ANO4: variants seen among roughly 807,000 people sequenced by gnomAD.
ANO4 encodes the protein anoctamin 4, also known as anoctamin-4.
A neutral mutation model predicts 141.9 loss-of-function variants in ANO4; 69 were observed. The observed-to-expected ratio is 0.49, with a 90% CI of 0.40 to 0.59. The LOEUF (loss-of-function observed/expected upper bound fraction) is 0.59. ANO4 is among the 20% of genes least tolerant of loss of function. The pLI, the probability that ANO4 is intolerant of heterozygous loss-of-function variation, is 0.00. For synonymous variants in ANO4, 350 were observed against 394.3 expected (o/e 0.89, Z 1.33); for missense variants, 894 against 1,162.2 (o/e 0.77, Z 3.36).
At position 100,942,503 on chromosome 12, in the gene ANO4, A is replaced by G; in HGVS notation, c.424A>G (p.Ile142Val). ...TEKREVFERN[I>V]RAEGLQMEKE... The stretch of plus-strand genomic sequence containing the variant: ...AAAGAGAGAAGTATTTGAAAGAAAC[A>G]TTAGAGCAGAAGGATTGCAAATGGA... Residue 142 changes from isoleucine to valine, a missense_variant, in exon 5 of 28, where the codon ATT (isoleucine) becomes GTT (valine). Ile to Val is a conservative substitution (Grantham distance 29). This residue lies in a region of ANO4 where 257 missense variants were observed against 253.0 expected (regional missense o/e 1.02). Transcript: ENST00000392977. The G allele has an allele frequency of 6.2e-7, 1 of 1,614,084 alleles. No homozygotes were observed. Among genetic ancestry groups the G allele is most frequent in the Non-Finnish European group, 8.5e-7 (1 of 1,179,978 alleles).
intron 2 of ANO4, among the ~76,000 whole-genome samples, chr12:100,910,600 G>C (rs1447743594): frequency 6.6e-6 from 1 of 152,094 alleles, no homozygotes; most frequent in Non-Finnish European, 1.5e-5. Flanking sequence ...CAAGAGCATA[G>C]TAAACTGAAG....
chr12:100,857,197 G>A (rs972465932), intron 1 of ANO4, among the ~76,000 whole-genome samples: 2 of 152,008 alleles, frequency 1.3e-5, no homozygotes, highest in African/African-American at 4.8e-5. Flanking sequence ...AGTTTTCAGT[G>A]GTTTCTCTTC....
At chr12:101,034,123 C>G (rs1404556612) in intron 9 of ANO4, among the ~76,000 whole-genome samples, 1 of 152,178 alleles carries the variant, frequency 6.6e-6, no homozygotes, top group Non-Finnish European at 1.5e-5. Context: ...TTTGACCCAG[C>G]AATCCCATTA....
intron 9 of ANO4, among the ~76,000 whole-genome samples, chr12:101,033,979 CAA>C (rs1480993962): frequency 7.2e-5 from 11 of 152,104 alleles, no homozygotes; most frequent in Non-Finnish European, 1.3e-4. Flanking sequence ...ATTTAAAAGT[CAA>C]GAAACAATAG....
At chr12:101,026,330 T>C (rs780413569) in intron 9 of ANO4, among the ~76,000 whole-genome samples, 1 of 152,152 alleles carries the variant, frequency 6.6e-6, no homozygotes, top group Non-Finnish European at 1.5e-5. Context: ...CAAAAGATAC[T>C]TAAGAATTGT....
chr12:100,838,167 A>G (rs2135798911), intron 1 of ANO4, among the ~76,000 whole-genome samples: 1 of 143,226 alleles, frequency 7.0e-6, no homozygotes, highest in South Asian at 2.3e-4. Context: ...GAGGTGGAGG[A>G]TGCAGTGAGC....
chr12:101,042,723 G>A (rs1045953104), intron 12 of ANO4, among the ~76,000 whole-genome samples: 14 of 152,138 alleles, frequency 9.2e-5, no homozygotes, highest in Non-Finnish European at 1.3e-4. Context: ...AGAACAAGCC[G>A]CCTTCATTCA....
Position 100,809,679 on chromosome 12 carries a change from C to T in ANO4, c.-141+14652C>T, listed in dbSNP as rs547086333. Among the ~76,000 whole-genome samples, 23 of 152,322 alleles carry T rather than the reference C, an allele frequency of 1.5e-4. No individual in the cohort carries two copies. The South Asian group carries it at 2.7e-3, about 18-fold the overall frequency. Reference sequence around the variant, plus strand: ...CTTAGCCAGTAGGCAGCTGCCAGATCTCAAAGGCTTTATATGACATGCGCA... The same window carrying T: ...CTTAGCCAGTAGGCAGCTGCCAGATTTCAAAGGCTTTATATGACATGCGCA... On this transcript the variant is annotated intron_variant, in intron 1 of 27. Transcript: ENST00000392977.
chr12:100,798,812 C>T (rs535866392), intron 1 of ANO4, among the ~76,000 whole-genome samples: 1 of 152,310 alleles, frequency 6.6e-6, no homozygotes, highest in Middle Eastern at 3.4e-3. Context: ...AATGTAAAAA[C>T]ACATAATGAC....
At chr12:100,774,611 A>G (rs749473046) in intron 3 of ANO4, among the ~76,000 whole-genome samples, 8 of 152,240 alleles carry the variant, frequency 5.3e-5, no homozygotes, top group Admixed American at 1.3e-4. Context: ...TGACATTTGG[A>G]AAGTGCATTT....
intron 3 of ANO4, among the ~76,000 whole-genome samples, chr12:100,751,899 A>T (rs2032400076): frequency 6.6e-6 from 1 of 152,106 alleles, no homozygotes; most frequent in South Asian, 2.1e-4. Flanking sequence ...TTTGAGAGAG[A>T]TCTCAAGGAT....
chr12:100,781,438 C>T (rs1215767705), intron 3 of ANO4, among the ~76,000 whole-genome samples: 2 of 152,122 alleles, frequency 1.3e-5, no homozygotes, highest in Non-Finnish European at 2.9e-5. Context: ...CATGCTGTAT[C>T]AGTGAGGTTT....
At chr12:100,721,681 TTTTG>T (rs748766993) in intron 1 of ANO4, among the ~76,000 whole-genome samples, 74 of 151,868 alleles carry the variant, frequency 4.9e-4, no homozygotes, top group African/African-American at 1.4e-3. Context: ...TTGAGTAAAT[TTTTG>T]TTTGTTTGTT....
intron 14 of ANO4, among the ~76,000 whole-genome samples, chr12:101,074,260 A>G (rs2048938559): frequency 6.6e-6 from 1 of 152,064 alleles, no homozygotes; most frequent in South Asian, 2.1e-4. Flanking sequence ...AGACAGCTCC[A>G]CTCCACATGG....
chr12:101,026,412 T>G (rs1159592034), intron 9 of ANO4, among the ~76,000 whole-genome samples: 1 of 152,192 alleles, frequency 6.6e-6, no homozygotes, highest in Non-Finnish European at 1.5e-5. Flanking sequence ...ATACTATGTT[T>G]ATGAGTCAGA....
At chr12:101,051,296 C>A (rs2047858656) in intron 14 of ANO4, among the ~76,000 whole-genome samples, 1 of 152,150 alleles carries the variant, frequency 6.6e-6, no homozygotes, top group African/African-American at 2.4e-5. Context: ...GGAGATTTAA[C>A]AGCCCTTGTG....
In ANO4 at chr12:100,743,704, C is replaced by T. The variant is rs2031973832; in HGVS notation, c.358+3599C>T. Among the ~76,000 whole-genome samples, 5 of 152,108 alleles carry T rather than the reference C, an allele frequency of 3.3e-5. No homozygotes were observed. In the East Asian group the frequency reaches 9.6e-4, roughly 29 times the overall value. ...TAGAAAAAGAGTAAAACTATTGTCA[C>T]TTTATTTCCTTCCAATTTTTATTTT... On this transcript the variant is annotated intron_variant, in intron 3 of 29. Transcript: ENST00000644049.
intron 1 of ANO4, among the ~76,000 whole-genome samples, chr12:100,895,739 T>A (rs1000206062): frequency 4.6e-5 from 7 of 151,928 alleles, no homozygotes; most frequent in Non-Finnish European, 7.4e-5. Context: ...TTTTTGTATT[T>A]TTAGCAGAGA....
chr12:100,766,718 T>C (rs1431963140), intron 3 of ANO4, among the ~76,000 whole-genome samples: 1 of 152,174 alleles, frequency 6.6e-6, no homozygotes, highest in African/African-American at 2.4e-5. Flanking sequence ...TGCTGTTGGA[T>C]GGAAGTCTGT....
Sources: allele counts gnomAD v4.1 joint callset (sites outside exome capture counted in the v4.1 genomes callset), GRCh38; gene constraint gnomAD v4.1.1; regional missense constraint gnomAD v4.1.1; transcripts MANE v1.5; gene names NCBI Gene and HGNC (gene_info 2026-07-23, HGNC 2026-07-21).